TRAT1: variants seen among roughly 807,000 people sequenced by gnomAD.
TRAT1 encodes T-cell receptor-associated transmembrane adapter 1.
TRAT1 carries 20 observed loss-of-function variants against 20.0 expected under a neutral mutation model. That is an observed-to-expected ratio of 1.00 (90% CI 0.70 to 1.45). TRAT1 has a LOEUF of 1.45. Among genes scored for constraint, TRAT1 ranks in the 40% most tolerant of loss-of-function variants. The pLI, the probability that TRAT1 is intolerant of heterozygous loss-of-function variation, is 0.00. For missense variants in TRAT1, 237 were observed against 224.1 expected (o/e 1.06, Z -0.37); for synonymous variants, 77 against 74.2 (o/e 1.04, Z -0.20).
chr3:108,853,512 G>A (rs946615688), intron 5 of TRAT1, 108 bp from the exon 6 acceptor site: 9 of 1,356,578 alleles, frequency 6.6e-6, no homozygotes, highest in Non-Finnish European at 8.1e-6. Context: ...AAACAAGGTA[G>A]GTGAGGCCTA....
intron 3 of TRAT1, among the ~76,000 whole-genome samples, chr3:108,844,877 G>C (rs1199409426): frequency 7.3e-6 from 1 of 137,520 alleles, no homozygotes; most frequent in Non-Finnish European, 1.5e-5. Context: ...AAAGAAATAC[G>C]TGTATATATA....
chr3:108,838,699 C>G (rs571370286), intron 2 of TRAT1, among the ~76,000 whole-genome samples: 1 of 152,242 alleles, frequency 6.6e-6, no homozygotes, highest in South Asian at 2.1e-4. Context: ...AAGAAAGTTG[C>G]TCTGGTTTCT....
chr3:108,826,371 A>G (rs567368334), intron 1 of TRAT1, among the ~76,000 whole-genome samples: 2 of 152,286 alleles, frequency 1.3e-5, no homozygotes, highest in East Asian at 3.9e-4. Flanking sequence ...CCCCCTGTTC[A>G]TAATAGACAC....
intron 3 of TRAT1, among the ~76,000 whole-genome samples, chr3:108,845,632 T>TAA (rs1299338744): frequency 6.6e-6 from 1 of 152,378 alleles, no homozygotes; most frequent in African/African-American, 2.4e-5. Context: ...ACCTACGTAC[T>TAA]ATTTACATAT....
chr3:108,826,498 T>C (rs1945740816), intron 1 of TRAT1, among the ~76,000 whole-genome samples: 2 of 152,126 alleles, frequency 1.3e-5, no homozygotes, highest in Non-Finnish European at 2.9e-5. Flanking sequence ...ATGTCTTTTA[T>C]TGTGGGATGA....
intron 2 of TRAT1, among the ~76,000 whole-genome samples, chr3:108,838,565 G>C (rs1044284391): frequency 6.6e-6 from 1 of 152,122 alleles, no homozygotes; most frequent in Non-Finnish European, 1.5e-5. Flanking sequence ...CAGTGGACTG[G>C]AGCCACAAGG....
chr3:108,830,045 G>A (rs746957509), intron 1 of TRAT1, among the ~76,000 whole-genome samples: 28 of 152,288 alleles, frequency 1.8e-4, no homozygotes, highest in Non-Finnish European at 3.2e-4. Context: ...GGGACAAGAT[G>A]TGGGGGTGGA....
intron 5 of TRAT1, 129 bp downstream of exon 5, chr3:108,849,383 C>A (rs1945975894): frequency 1.5e-6 from 1 of 682,252 alleles, no homozygotes; most frequent in Non-Finnish European, 2.5e-6. Context: ...GGGACCTGAG[C>A]TCTAACTCAG....
intron 1 of TRAT1, among the ~76,000 whole-genome samples, chr3:108,825,152 AAAAAT>A (rs1945724675): frequency 2.0e-5 from 3 of 152,290 alleles, no homozygotes; most frequent in East Asian, 1.9e-4. Context: ...AGGTAAAATA[AAAAAT>A]AAAATAAATT....
At chr3:108,850,585 T>A (rs991242139) in intron 5 of TRAT1, among the ~76,000 whole-genome samples, 3 of 152,208 alleles carry the variant, frequency 2.0e-5, no homozygotes, top group African/African-American at 7.2e-5. Context: ...ATTACAGGCA[T>A]GAGCCATCGT....
intron 3 of TRAT1, among the ~76,000 whole-genome samples, chr3:108,844,366 G>A (rs907478283): frequency 4.1e-5 from 6 of 147,680 alleles, no homozygotes; most frequent in Non-Finnish European, 7.4e-5. Context: ...CTCCCAGGTT[G>A]GAGTGCAGTG....
chr3:108,850,311 T>C (rs1266872251), intron 5 of TRAT1, among the ~76,000 whole-genome samples: 2 of 151,828 alleles, frequency 1.3e-5, no homozygotes, highest in Non-Finnish European at 2.9e-5. Flanking sequence ...TTAAACTTTT[T>C]TTTTTTTTTG....
intron 1 of TRAT1, among the ~76,000 whole-genome samples, chr3:108,825,436 G>A (rs1945729271): frequency 6.6e-6 from 1 of 151,890 alleles, no homozygotes; most frequent in Non-Finnish European, 1.5e-5. Flanking sequence ...TAAAAAAAAG[G>A]AGTCTCATTG....
At chr3:108,840,924 A>G (rs1349069777) in intron 3 of TRAT1, among the ~76,000 whole-genome samples, 2 of 152,252 alleles carry the variant, frequency 1.3e-5, no homozygotes, top group Non-Finnish European at 2.9e-5. Flanking sequence ...CCTGCACTGC[A>G]GCTGAAGGAC....
At chr3:108,825,829 A>G (rs1369615043) in intron 1 of TRAT1, among the ~76,000 whole-genome samples, 3 of 152,188 alleles carry the variant, frequency 2.0e-5, no homozygotes, top group Admixed American at 6.5e-5. Context: ...AACATCATAA[A>G]GTATTTTATT....
At chr3:108,835,551 T>A (rs960218033) in intron 2 of TRAT1, among the ~76,000 whole-genome samples, 4 of 152,222 alleles carry the variant, frequency 2.6e-5, no homozygotes, top group African/African-American at 9.6e-5. Context: ...AAAGAGATTA[T>A]AACCTTCTTC....
intron 5 of TRAT1, among the ~76,000 whole-genome samples, chr3:108,851,059 T>G (rs2715728): frequency 2.1e-4 from 32 of 151,988 alleles, no homozygotes; most frequent in Non-Finnish European, 3.5e-4. Context: ...AAATTAGAGG[T>G]AATATCTTCG....
chr3:108,850,625 C>T (rs1390749672), intron 5 of TRAT1, among the ~76,000 whole-genome samples: 2 of 151,994 alleles, frequency 1.3e-5, no homozygotes, highest in East Asian at 1.9e-4. Flanking sequence ...AACTAAGAAA[C>T]CAAGATGTAG....
At chr3:108,825,878 A>T (rs904644020) in intron 1 of TRAT1, among the ~76,000 whole-genome samples, 2 of 152,170 alleles carry the variant, frequency 1.3e-5, no homozygotes, top group African/African-American at 2.4e-5. Context: ...TCTTCAGAGG[A>T]TCTTACTAAG....
Sources: gnomAD v4.1 joint callset for allele counts (sites outside exome capture counted in the v4.1 genomes callset) on GRCh38, gnomAD v4.1.1 for gene constraint, MANE v1.5 for transcripts, NCBI Gene and HGNC (gene_info 2026-07-23, HGNC 2026-07-21) for gene names.